The following DOCK1 variants were observed in gnomAD, a reference collection of about 807,000 sequenced individuals.
DOCK1 encodes dedicator of cytokinesis 1, also known as dedicator of cytokinesis protein 1.
In DOCK1, 138 loss-of-function variants were observed where a neutral mutation model predicts 262.7. The observed-to-expected ratio is 0.53, with a 90% confidence interval of 0.46 to 0.61. The LOEUF (loss-of-function observed/expected upper bound fraction) is 0.61. Among genes scored for constraint, DOCK1 ranks in the 20% least tolerant of loss-of-function variants. The probability of loss-of-function intolerance (pLI) is 0.00; values close to 1 mark genes in which losing one functional copy is unlikely to be tolerated. For synonymous variants in DOCK1, 866 were observed against 867.4 expected, an observed-to-expected ratio of 1.00 and a Z score of 0.03; for missense variants, 1,908 against 2,370.7, an observed-to-expected ratio of 0.80 and a Z score of 4.05.
chr10:126,935,888 G>C (rs1392742070), intron 1 of DOCK1, among the ~76,000 whole-genome samples: 1 of 152,246 alleles, frequency 6.6e-6, no homozygotes, highest in African/African-American at 2.4e-5. Flanking sequence ...TTGAATGGAC[G>C]AGGCTGAAAT....
intron 23 of DOCK1, among the ~76,000 whole-genome samples, chr10:127,069,763 C>T (rs910588024): frequency 1.5e-4 from 23 of 152,166 alleles, no homozygotes; most frequent in Admixed American, 1.4e-3. Context: ...TGTTGAGAAT[C>T]AGCAACAGGC....
chr10:126,918,734 G>A (rs1406268612), intron 1 of DOCK1, among the ~76,000 whole-genome samples: 3 of 152,206 alleles, frequency 2.0e-5, no homozygotes, highest in East Asian at 3.9e-4. Flanking sequence ...TAAGTGGGGC[G>A]GGATGGCCTA....
At chr10:127,377,606 A>G (rs1204857518) in intron 35 of DOCK1, among the ~76,000 whole-genome samples, 3 of 152,106 alleles carry the variant, frequency 2.0e-5, no homozygotes, top group Non-Finnish European at 4.4e-5. Context: ...CCTTAAAAAA[A>G]CAAAAATAGG....
chr10:127,238,523 T>C (rs564166791), intron 27 of DOCK1, among the ~76,000 whole-genome samples: 35 of 152,330 alleles, frequency 2.3e-4, no homozygotes, highest in African/African-American at 5.5e-4. Context: ...TAGTCTTCCG[T>C]AGGTCACAGC....
At chr10:127,236,230 G>C (rs2059044706) in intron 27 of DOCK1, among the ~76,000 whole-genome samples, 1 of 152,018 alleles carries the variant, frequency 6.6e-6, no homozygotes, top group Admixed American at 6.6e-5. Context: ...TCTTTAAAAA[G>C]TTTTGTTGTT....
rs182360020 is a variant in DOCK1, at chr10:127,004,682, T to G, written c.986-4050T>G. 3.1e-4 allele frequency among the ~76,000 whole-genome samples: 47 copies of G among 151,718 alleles called. 1 individual carries two copies. In the East Asian group the frequency reaches 8.8e-3, roughly 28 times the overall value. ...GGGGATCACCTGAGCCTAGGGAGGT[T>G]GAGACTGCAAATGAGCCATGATCGT... is the stretch of plus-strand genomic sequence containing the variant. On this transcript the variant is annotated intron_variant, in intron 10 of 51. Coordinates refer to ENST00000623213, the MANE Select transcript of DOCK1 (RefSeq NM_001290223.2).
At chr10:126,942,386 T>C (rs2035082391) in intron 1 of DOCK1, among the ~76,000 whole-genome samples, 1 of 152,150 alleles carries the variant, frequency 6.6e-6, no homozygotes, top group South Asian at 2.1e-4. Flanking sequence ...AGGAGATGGG[T>C]TCATTCCTTC....
At chr10:127,316,956 A>G (rs1460883091) in intron 29 of DOCK1, among the ~76,000 whole-genome samples, 1 of 152,202 alleles carries the variant, frequency 6.6e-6, no homozygotes, top group Non-Finnish European at 1.5e-5. Flanking sequence ...TCAGATAATC[A>G]AATAATTCAC....
intron 29 of DOCK1, among the ~76,000 whole-genome samples, chr10:127,285,775 A>G (rs1461765631): frequency 6.6e-6 from 1 of 152,184 alleles, no homozygotes; most frequent in African/African-American, 2.4e-5. Context: ...TACTCTTCAG[A>G]GTGTGCTTCC....
At chr10:127,027,570 A>G (rs112395951) in intron 16 of DOCK1, among the ~76,000 whole-genome samples, 1 of 151,614 alleles carries the variant, frequency 6.6e-6, no homozygotes, top group African/African-American at 2.4e-5. Context: ...TGGGGAACAG[A>G]GTGAGACCCT....
intron 16 of DOCK1, among the ~76,000 whole-genome samples, chr10:127,029,952 C>T (rs137950274): frequency 6.6e-6 from 1 of 152,260 alleles, no homozygotes; most frequent in African/African-American, 2.4e-5. Context: ...TTCATGTGCT[C>T]TGGTGCCCTT....
chr10:127,124,194 A>G (rs2049798687), intron 25 of DOCK1, among the ~76,000 whole-genome samples: 1 of 152,252 alleles, frequency 6.6e-6, no homozygotes, highest in Admixed American at 6.5e-5. Flanking sequence ...TAGAGGAACC[A>G]TTCCAATGTT....
Position 127,433,342 on chromosome 10 carries a change from G to C in DOCK1, c.4974G>C (p.Thr1658=), listed in dbSNP as rs61733305. 6.2e-7 allele frequency: 1 copy of C among 1,613,790 alleles called. No individual in the cohort carries two copies. The highest frequency in any genetic ancestry group is 1.7e-5 in the Admixed American group (1 of 59,990). The change falls in exon 48 of 52, where the codon ACG becomes ACC. Residue 1658 remains threonine (T), a synonymous_variant. Transcript: ENST00000623213. ...SRPRSMVRSF[T]MPSSSRPLSV... is the part of the protein sequence containing the mutation. ...CCCGGTCCATGGTGCGGTCCTTCAC[G>C]ATGCCTTCCTCATCCCGCCCTCTGT...
At chr10:127,094,339 A>G (rs1015988708) in intron 23 of DOCK1, among the ~76,000 whole-genome samples, 2 of 152,246 alleles carry the variant, frequency 1.3e-5, no homozygotes, top group African/African-American at 4.8e-5. Flanking sequence ...TGGCAGGGTC[A>G]CAATTCCATG....
In DOCK1 at chr10:127,296,852, T is replaced by C. The variant is rs565510945; in HGVS notation, c.3044+39423T>C. On this transcript the variant is annotated intron_variant, in intron 29 of 51. Coordinates refer to ENST00000623213, the MANE Select transcript of DOCK1 (RefSeq NM_001290223.2). ...GCACAGCTGAAGAAGGAGAGCAGCC[T>C]GGAAATGCGTCCTAAAGAGCCGCTC... 5.9e-5 allele frequency among the ~76,000 whole-genome samples: 9 copies of C among 152,300 alleles called. No individual in the cohort carries two copies. In the East Asian group the frequency reaches 1.7e-3, roughly 29 times the overall value.
At chr10:127,168,233 AC>A (rs1219620971) in intron 27 of DOCK1, among the ~76,000 whole-genome samples, 1 of 152,198 alleles carries the variant, frequency 6.6e-6, no homozygotes, top group Non-Finnish European at 1.5e-5. Flanking sequence ...TGGGAGGCTG[AC>A]CTCAGCCAGC....
At chr10:127,178,914 G>T (rs114839525) in intron 27 of DOCK1, among the ~76,000 whole-genome samples, 12 of 152,310 alleles carry the variant, frequency 7.9e-5, no homozygotes, top group African/African-American at 2.4e-4. Context: ...ATGGGTAGCA[G>T]TGGGGGTGGA....
chr10:127,043,472 G>A (rs914965760), intron 21 of DOCK1, among the ~76,000 whole-genome samples: 3 of 152,222 alleles, frequency 2.0e-5, no homozygotes, highest in African/African-American at 7.2e-5. Flanking sequence ...GTCTGACACC[G>A]CGGCTTCCTC....
chr10:127,029,995 C>T (rs1397499677), intron 16 of DOCK1, among the ~76,000 whole-genome samples: 2 of 152,052 alleles, frequency 1.3e-5, no homozygotes, highest in Non-Finnish European at 1.5e-5. Context: ...TCCTAGGGTA[C>T]ATATATTTTA....
Sources: gnomAD v4.1 joint callset for allele counts (sites outside exome capture counted in the v4.1 genomes callset) on GRCh38, gnomAD v4.1.1 for gene constraint, MANE v1.5 for transcripts, NCBI Gene and HGNC (gene_info 2026-07-23, HGNC 2026-07-21) for gene names.